The following ADAMTS19 variants were observed in gnomAD, a reference collection of about 807,000 sequenced individuals.
ADAMTS19 encodes ADAM metallopeptidase with thrombospondin type 1 motif 19.
Under a neutral mutation model 153.3 loss-of-function variants are expected in ADAMTS19, and 93 were observed. That is an observed-to-expected ratio of 0.61 (90% CI 0.51 to 0.72). The LOEUF (loss-of-function observed/expected upper bound fraction) is 0.72. Ranked by LOEUF, ADAMTS19 falls within the 30% of genes least tolerant of loss-of-function variation. The pLI, the probability that ADAMTS19 is intolerant of heterozygous loss-of-function variation, is 0.00. For missense variants in ADAMTS19, 1,482 were observed against 1,552.1 expected (o/e 0.95, Z 0.76); for synonymous variants, 600 against 556.6 (o/e 1.08, Z -1.10).
At position 129,701,447 on chromosome 5, in the gene ADAMTS19, G is replaced by C; in HGVS notation, c.3014G>C (p.Arg1005Thr). 1 of 1,614,222 alleles carries C rather than the reference G, an allele frequency of 6.2e-7. No individual in the cohort carries two copies. The highest frequency in any genetic ancestry group is 1.7e-5 in the Admixed American group (1 of 60,028). Residue 1005 changes from arginine (R) to threonine (T), a missense_variant, in exon 20 of 23, where the codon AGA (arginine) becomes ACA (threonine). By Grantham distance (71) the Arg-to-Thr change is moderately conservative (BLOSUM62 -1). Coordinates refer to ENST00000274487, the MANE Select transcript of ADAMTS19 (RefSeq NM_133638.6). ...ACTTGTGGAAAAGGAATGCAGAGCA[G>C]ACAAGTGGCCTGTACCCAACAACTG... is the stretch of plus-strand genomic sequence containing the variant. Reference protein sequence around the residue: ...SRTCGKGMQSRQVACTQQLSN... With the variant: ...SRTCGKGMQSTQVACTQQLSN...
At chr5:129,582,908 T>G (rs186871606) in intron 7 of ADAMTS19, among the ~76,000 whole-genome samples, 43 of 152,242 alleles carry the variant, frequency 2.8e-4, no homozygotes, top group African/African-American at 1.0e-3. Context: ...AGCCCATTTA[T>G]ATTTAAAGTT....
chr5:129,680,169 G>A (rs1754736219), intron 17 of ADAMTS19, among the ~76,000 whole-genome samples: 1 of 152,088 alleles, frequency 6.6e-6, no homozygotes, highest in South Asian at 2.1e-4. Context: ...TGGATGACAG[G>A]GAATCCAAAG....
chr5:129,724,573 G>A (rs534780071), intron 21 of ADAMTS19, among the ~76,000 whole-genome samples: 1 of 152,258 alleles, frequency 6.6e-6, no homozygotes, highest in Admixed American at 6.5e-5. Context: ...AAATACCCGA[G>A]GTTTGTTGTC....
At chr5:129,530,597 A>G (rs997497757) in intron 6 of ADAMTS19, among the ~76,000 whole-genome samples, 2 of 152,158 alleles carry the variant, frequency 1.3e-5, no homozygotes, top group Admixed American at 6.5e-5. Flanking sequence ...AGAAAGTAAA[A>G]TAAAGAAATC....
chr5:129,709,187 A>G (rs570393050), intron 21 of ADAMTS19, among the ~76,000 whole-genome samples: 1 of 152,266 alleles, frequency 6.6e-6, no homozygotes, highest in South Asian at 2.1e-4. Flanking sequence ...AGCAATAAAA[A>G]TTAGATTTAT....
intron 21 of ADAMTS19, among the ~76,000 whole-genome samples, chr5:129,721,549 G>C (rs1225631591): frequency 1.2e-4 from 18 of 152,012 alleles, no homozygotes; most frequent in Admixed American, 1.2e-3. Context: ...TCTTCTATAA[G>C]GTTGAAGTTC....
At chr5:129,658,241 G>A (rs1325662083) in intron 14 of ADAMTS19, among the ~76,000 whole-genome samples, 1 of 151,592 alleles carries the variant, frequency 6.6e-6, no homozygotes, top group Non-Finnish European at 1.5e-5. Context: ...AGCCGAGATG[G>A]AGCCTCTGCA....
intron 2 of ADAMTS19, among the ~76,000 whole-genome samples, chr5:129,467,645 A>G (rs1749913205): frequency 6.6e-6 from 1 of 152,192 alleles, no homozygotes; most frequent in South Asian, 2.1e-4. Context: ...GGATCAGGTA[A>G]CTTCAGGATT....
chr5:129,655,451 T>G (rs1753505247), intron 14 of ADAMTS19, among the ~76,000 whole-genome samples: 1 of 152,044 alleles, frequency 6.6e-6, no homozygotes, highest in Admixed American at 6.6e-5. Flanking sequence ...CTGAGTGGAG[T>G]GGCACTGCAT....
chr5:129,492,531 GTA>G (rs1200790895), intron 2 of ADAMTS19, among the ~76,000 whole-genome samples: 7 of 151,080 alleles, frequency 4.6e-5, no homozygotes, highest in African/African-American at 9.7e-5. Flanking sequence ...GTGTGTGTGT[GTA>G]TGTGTATATA....
chr5:129,677,950 C>G (rs1754623940), intron 16 of ADAMTS19, among the ~76,000 whole-genome samples: 1 of 152,050 alleles, frequency 6.6e-6, no homozygotes, highest in South Asian at 2.1e-4. Flanking sequence ...GTCACTGGGA[C>G]TGCAGGCGGG....
chr5:129,463,920 A>G lies in ADAMTS19; in HGVS notation c.747+2163A>G, dbSNP rs182952220. The stretch of plus-strand genomic sequence containing the variant: ...AAGATATCACCTGTAAGTGGAAATG[A>G]CACAAGTAGTCACAAGACAGTGACA... On this transcript the variant is annotated intron_variant, in intron 2 of 22. Transcript: ENST00000274487. Among the ~76,000 whole-genome samples the G allele has an allele frequency of 3.1e-3, 471 of 152,374 alleles. 1 individual carries two copies. Among genetic ancestry groups the G allele is most frequent in the African/African-American group, 0.011 (438 of 41,594 alleles).
chr5:129,711,896 T>C (rs1344058816), intron 21 of ADAMTS19, among the ~76,000 whole-genome samples: 3 of 152,108 alleles, frequency 2.0e-5, no homozygotes, highest in Non-Finnish European at 2.9e-5. Flanking sequence ...TTCTGCTTTA[T>C]ACCAAAGATC....
chr5:129,526,244 A>C (rs771819389), intron 3 of ADAMTS19, 40 bp from the exon 4 acceptor site: 10 of 1,495,162 alleles, frequency 6.7e-6, no homozygotes, highest in Non-Finnish European at 8.9e-6. Context: ...TCACTTTGCC[A>C]ATATGAAGGT....
intron 8 of ADAMTS19, 26 bp downstream of exon 8, chr5:129,596,690 A>G (rs1331507735): frequency 6.7e-7 from 1 of 1,493,500 alleles, no homozygotes. Context: ...GGCTATGTTA[A>G]ATATGTTAGC....
chr5:129,576,840 T>A (rs1467316089), intron 7 of ADAMTS19, among the ~76,000 whole-genome samples: 1 of 151,850 alleles, frequency 6.6e-6, no homozygotes, highest in Non-Finnish European at 1.5e-5. Context: ...GACCTACCTA[T>A]TCAATTCATC....
intron 2 of ADAMTS19, among the ~76,000 whole-genome samples, chr5:129,506,899 A>T (rs1317271299): frequency 1.3e-5 from 2 of 151,788 alleles, no homozygotes; most frequent in East Asian, 3.9e-4. Context: ...TTTAAAATAT[A>T]TATATATTTT....
At position 129,648,884 on chromosome 5, in the gene ADAMTS19, G is replaced by T; in HGVS notation, c.2090G>T (p.Gly697Val). The change falls in exon 13 of 23, where the codon GGA becomes GTA. Residue 697 changes from glycine to valine, a missense_variant. Physicochemically the swap from Gly to Val is moderately radical, Grantham distance 109 (BLOSUM62 -3). This residue lies in a region of ADAMTS19 where 616 missense variants were observed against 724.4 expected (regional missense o/e 0.85). Coordinates refer to ENST00000274487, the MANE Select transcript of ADAMTS19 (RefSeq NM_133638.6). ...ENPPCPAGLPGFRDWQCQAYS... is the reference protein window; with the variant it reads ...ENPPCPAGLPVFRDWQCQAYS... The stretch of plus-strand genomic sequence containing the variant: ...CCACCTTGTCCTGCAGGTTTGCCTG[G>T]ATTCAGAGACTGGCAATGTCAGGCT... 1 of 1,613,784 alleles carries T rather than the reference G, an allele frequency of 6.2e-7. No individual in the cohort carries two copies. The highest frequency in any genetic ancestry group is 8.5e-7 in the Non-Finnish European group (1 of 1,179,798).
At position 129,571,701 on chromosome 5, in the gene ADAMTS19, A is replaced by G. The variant is rs535223465; in HGVS notation, c.1372+19794A>G. 3.9e-5 allele frequency among the ~76,000 whole-genome samples: 6 copies of G among 151,940 alleles called. No homozygotes were observed. In the East Asian group the frequency reaches 1.2e-3, roughly 29 times the overall value. On this transcript the variant is annotated intron_variant, in intron 7 of 22. Transcript: ENST00000274487. ...AAATTTATATGCAACTGAATGATCA[A>G]CACAATTTTGAATAGAAAAATCGTT... is the stretch of plus-strand genomic sequence containing the variant.
Sources: gnomAD v4.1 joint callset for allele counts (sites outside exome capture counted in the v4.1 genomes callset) on GRCh38, gnomAD v4.1.1 for gene constraint, gnomAD v4.1.1 regional missense constraint, MANE v1.5 for transcripts, NCBI Gene and HGNC (gene_info 2026-07-23, HGNC 2026-07-21) for gene names.